SLC1A1: variants seen among roughly 807,000 people sequenced by gnomAD.
The protein encoded by SLC1A1 is excitatory amino acid transporter 3.
In SLC1A1, 43 loss-of-function variants were observed where a neutral mutation model predicts 53.3. That is an observed-to-expected ratio of 0.81 (90% CI 0.63 to 1.04). The LOEUF is 1.04. Ranked by LOEUF, SLC1A1 falls within the 50% of genes least tolerant of loss-of-function variation. The probability of loss-of-function intolerance (pLI) is 0.00; values close to 1 mark genes in which losing one functional copy is unlikely to be tolerated. For missense variants in SLC1A1, 748 were observed against 664.9 expected, an observed-to-expected ratio of 1.12 and a Z score of -1.37; for synonymous variants, 307 against 243.2, an observed-to-expected ratio of 1.26 and a Z score of -2.44.
At position 4,544,676 on chromosome 9, in the gene SLC1A1, T is replaced by G. The variant is rs780124076; in HGVS notation, c.201T>G (p.Ile67Met). The change falls in exon 2 of 12, where the codon ATT becomes ATG. Residue 67 changes from isoleucine to methionine, a missense_variant. Ile to Met is a conservative substitution (Grantham distance 10, BLOSUM62 1). Transcript: ENST00000262352. ...TAATGCGGATGCTGAAACTCATCAT[T>G]TTGCCATTAATTATATCCAGCATGA... The part of the protein sequence containing the change: ...EILMRMLKLI[I>M]LPLIISSMIT... 1.8e-5 allele frequency: 29 copies of G among 1,613,590 alleles called. No individual in the cohort carries two copies. In the South Asian group the frequency reaches 3.1e-4, roughly 17 times the overall value.
chr9:4,501,976 A>G (rs1222547626), intron 1 of SLC1A1, among the ~76,000 whole-genome samples: 1 of 151,766 alleles, frequency 6.6e-6, no homozygotes, highest in East Asian at 1.9e-4. Flanking sequence ...TAAACTACAG[A>G]GAGCCTAATC....
chr9:4,583,235 C>T lies in SLC1A1; in HGVS notation c.1328+63C>T, dbSNP rs767235387. 19 of 1,600,336 alleles carry T rather than the reference C, an allele frequency of 1.2e-5. No homozygotes were observed. The highest frequency in any genetic ancestry group is 2.7e-5 in the African/African-American group (2 of 74,678). ...CAGGCGGGCTTCCCAGCCTCGCAGG[C>T]GCTGCAGTCTGTCATCATTCTCTCC... is the stretch of plus-strand genomic sequence containing the variant. On this transcript the variant is annotated intron_variant, in intron 11 of 11. Transcript: ENST00000262352. The surrounding 1 kb of genome is among the most constrained non-coding windows in gnomAD (Gnocchi z 4.6).
In SLC1A1 at chr9:4,585,422, A is replaced by G. The variant is rs970964102; in HGVS notation, c.1439A>G (p.Asn480Ser). The change falls in exon 12 of 12, where the codon AAC becomes AGC. Residue 480 changes from asparagine to serine, a missense_variant. Physicochemically the swap from Asn to Ser is conservative, Grantham distance 46. Coordinates refer to ENST00000262352, the MANE Select transcript of SLC1A1 (RefSeq NM_004170.6). ...LEQMDVSSEVNIVNPFALEST... is the reference protein window; with the variant it reads ...LEQMDVSSEVSIVNPFALEST... Reference sequence around the variant, plus strand: ...CAGATGGATGTTTCATCTGAAGTCAACATTGTGAATCCCTTTGCCTTGGAA... The same window carrying G: ...CAGATGGATGTTTCATCTGAAGTCAGCATTGTGAATCCCTTTGCCTTGGAA... 1.9e-6 allele frequency: 3 copies of G among 1,614,098 alleles called. No individual in the cohort carries two copies. The highest frequency in any genetic ancestry group is 2.5e-6 in the Non-Finnish European group (3 of 1,180,046).
intron 1 of SLC1A1, among the ~76,000 whole-genome samples, 195 bp downstream of exon 1, chr9:4,490,965 C>A (rs1180760372): frequency 6.6e-6 from 1 of 152,228 alleles, no homozygotes; most frequent in African/African-American, 2.4e-5. Flanking sequence ...GAACAAAGCT[C>A]CTCTGGGACT....
At chr9:4,528,369 A>G (rs565441620) in intron 1 of SLC1A1, among the ~76,000 whole-genome samples, 1 of 152,274 alleles carries the variant, frequency 6.6e-6, no homozygotes, top group Non-Finnish European at 1.5e-5. Context: ...TCAGGAGATC[A>G]GGACCATCCT....
At chr9:4,531,800 AC>A (rs956635063) in intron 1 of SLC1A1, among the ~76,000 whole-genome samples, 1 of 152,068 alleles carries the variant, frequency 6.6e-6, no homozygotes, top group East Asian at 1.9e-4. Flanking sequence ...ACTGGGAGGC[AC>A]CCCCCAGTAG....
chr9:4,554,926 G>A (rs1157868830), intron 2 of SLC1A1, among the ~76,000 whole-genome samples: 1 of 152,202 alleles, frequency 6.6e-6, no homozygotes, highest in Non-Finnish European at 1.5e-5. Flanking sequence ...AATCATGCAG[G>A]CTATTTACTA....
At chr9:4,539,960 G>T (rs2130869997) in intron 1 of SLC1A1, among the ~76,000 whole-genome samples, 1 of 152,334 alleles carries the variant, frequency 6.6e-6, no homozygotes, top group South Asian at 2.1e-4. Flanking sequence ...GCAGTCCCCA[G>T]CAAGGGCCTC....
chr9:4,526,542 G>A (rs1007416653), intron 1 of SLC1A1, among the ~76,000 whole-genome samples: 3 of 152,142 alleles, frequency 2.0e-5, no homozygotes, highest in Non-Finnish European at 4.4e-5. Flanking sequence ...GGATGCAATG[G>A]ACCCTCAACC....
chr9:4,567,708 C>A lies in SLC1A1; in HGVS notation c.523C>A (p.Pro175Thr), dbSNP rs1819621469. 1.2e-6 allele frequency: 2 copies of A among 1,613,196 alleles called. No homozygotes were observed. Among genetic ancestry groups the A allele is most frequent in the Non-Finnish European group, 1.7e-6 (2 of 1,179,402 alleles). ...TGAAGAAGTGAAGCCTCCCAGCGAT[C>A]CAGAGATGAACATGACAGAAGAGTC... Reference protein sequence around the residue: ...KREEVKPPSDPEMNMTEESFT... With the variant: ...KREEVKPPSDTEMNMTEESFT... The change falls in exon 6 of 12, where the codon CCA (proline) becomes ACA (threonine). Residue 175 changes from proline to threonine, a missense_variant. Physicochemically the swap from Pro to Thr is conservative, Grantham distance 38. Transcript: ENST00000262352.
rs1564070128 is a variant in SLC1A1 at position 4,583,425 on chromosome 9, G to A, written c.1328+253G>A. ...CTGGTAACACTCAAGCTTAGGAGCT[G>A]GGTGTGGGACAGAGATAAACACAGA... On this transcript the variant is annotated intron_variant, in intron 11 of 11. Coordinates refer to ENST00000262352, the MANE Select transcript of SLC1A1 (RefSeq NM_004170.6). This position sits in a 1 kb window ranked among gnomAD's most constrained non-coding sequence, Gnocchi z 4.6. Among the ~76,000 whole-genome samples the A allele has an allele frequency of 1.3e-5, 2 of 152,216 alleles. No individual in the cohort carries two copies. Among genetic ancestry groups the A allele is most frequent in the Non-Finnish European group, 1.5e-5 (1 of 68,036 alleles).
intron 1 of SLC1A1, among the ~76,000 whole-genome samples, chr9:4,500,424 C>T (rs1820593336): frequency 6.6e-6 from 1 of 152,160 alleles, no homozygotes. Flanking sequence ...TCTCCTGCCT[C>T]AGCCTCCCGG....
chr9:4,572,313 A>G lies in SLC1A1; in HGVS notation c.692A>G (p.Glu231Gly). ...GGACTTGTCATTGGAAAAATGGGAG[A>G]AAAGGGACAAATTCTGGTGGATTTC... ...VFGLVIGKMG[E>G]KGQILVDFFN... Residue 231 changes from glutamate (E) to glycine (G), a missense_variant, in exon 7 of 12, where the codon GAA (glutamate) becomes GGA (glycine). Physicochemically the swap from Glu to Gly is moderately conservative, Grantham distance 98. Coordinates refer to ENST00000262352, the MANE Select transcript of SLC1A1 (RefSeq NM_004170.6). 1.9e-6 allele frequency: 3 copies of G among 1,614,050 alleles called. No homozygotes were observed. The highest frequency in any genetic ancestry group is 2.5e-6 in the Non-Finnish European group (3 of 1,179,932).
At chr9:4,527,934 T>C (rs879608078) in intron 1 of SLC1A1, among the ~76,000 whole-genome samples, 3 of 152,122 alleles carry the variant, frequency 2.0e-5, no homozygotes, top group Non-Finnish European at 4.4e-5. Flanking sequence ...GACTCCCTTA[T>C]TGGGGTCACA....
chr9:4,587,374 G>C lies in SLC1A1; in HGVS notation c.*1816G>C, dbSNP rs190435852. 1.3e-5 allele frequency: 2 copies of C among 152,314 alleles called. No homozygotes were observed. Among genetic ancestry groups the C allele is most frequent in the Non-Finnish European group, 2.9e-5 (2 of 68,028 alleles). The allele number at this position is 152,314 out of a possible 1,614,324, so 9.4% of individuals were successfully genotyped here. A position where few individuals can be genotyped will look rare whatever the true frequency, so the allele number is the denominator to read the frequency against. On this transcript the variant is annotated 3_prime_UTR_variant, in exon 12 of 12. Transcript: ENST00000262352. Reference sequence around the variant, plus strand: ...ATGAGCTGCCAGTTATCATTTTGGAGTCAGTTTGAAACCAGCCTCTTAACA... The same window carrying C: ...ATGAGCTGCCAGTTATCATTTTGGACTCAGTTTGAAACCAGCCTCTTAACA...
At chr9:4,500,012 A>G (rs1820577841) in intron 1 of SLC1A1, among the ~76,000 whole-genome samples, 1 of 152,340 alleles carries the variant, frequency 6.6e-6, no homozygotes, top group African/African-American at 2.4e-5. Flanking sequence ...GCTTATAAAG[A>G]GAGAAAGCTT....
chr9:4,506,263 C>T (rs939090274), intron 1 of SLC1A1, among the ~76,000 whole-genome samples: 1 of 152,204 alleles, frequency 6.6e-6, no homozygotes, highest in Admixed American at 6.5e-5. Flanking sequence ...GGCCAAATTA[C>T]TATGAAATTC....
In SLC1A1 at chr9:4,493,121, A is replaced by G. The variant is rs142360371; in HGVS notation, c.91+2351A>G. On this transcript the variant is annotated intron_variant, in intron 1 of 11. Coordinates refer to ENST00000262352, the MANE Select transcript of SLC1A1 (RefSeq NM_004170.6). ...CTGTGAGCCCCAAGAGCTTAGTTTG[A>G]GTACTTTTCTCCAGAAAGGAAAGTC... is the stretch of plus-strand genomic sequence containing the variant. Among the ~76,000 whole-genome samples, 106 of 152,312 alleles carry G rather than the reference A, an allele frequency of 7.0e-4. 3 individuals carry two copies. The East Asian group carries it at 0.018, about 25-fold the overall frequency.
At chr9:4,522,469 G>C (rs1006996462) in intron 1 of SLC1A1, among the ~76,000 whole-genome samples, 10 of 152,268 alleles carry the variant, frequency 6.6e-5, no homozygotes, top group Admixed American at 5.9e-4. Context: ...TCAGCCTAAT[G>C]TCCGTGTGAG....
Sources: allele counts gnomAD v4.1 joint callset (sites outside exome capture counted in the v4.1 genomes callset), GRCh38; gene constraint gnomAD v4.1.1; non-coding constraint Gnocchi (gnomAD v3.1); transcripts MANE v1.5; gene names NCBI Gene and HGNC (gene_info 2026-07-23, HGNC 2026-07-21).